The following PLAA variants were observed in gnomAD, a reference collection of about 807,000 sequenced individuals.
The protein encoded by PLAA is phospholipase A2 activating protein, also known as phospholipase A-2-activating protein.
A neutral mutation model predicts 84.1 loss-of-function variants in PLAA; 48 were observed. The observed-to-expected ratio is 0.57, with a 90% confidence interval of 0.45 to 0.73. The LOEUF (loss-of-function observed/expected upper bound fraction) is 0.73. PLAA is among the 30% of genes least tolerant of loss of function. PLAA has a pLI of 0.00. For missense variants in PLAA, 903 were observed against 954.7 expected (o/e 0.95, Z 0.71); for synonymous variants, 392 against 336.6 (o/e 1.16, Z -1.80).
In PLAA at chr9:26,932,906, G is replaced by A. The variant is rs10967608; in HGVS notation, c.343+2107C>T. Among the ~76,000 whole-genome samples the A allele has an allele frequency of 3.3e-5, 5 of 152,192 alleles. No homozygotes were observed. The East Asian group carries it at 7.7e-4, about 23-fold the overall frequency. Reference sequence around the variant, plus strand: ...ACCCAGAACTTTGGGAGACTGAGGCGGGTGGATCACCTGAGGTCAAGAGTT... The same window carrying A: ...ACCCAGAACTTTGGGAGACTGAGGCAGGTGGATCACCTGAGGTCAAGAGTT... On this transcript the variant is annotated intron_variant, in intron 2 of 13. Transcript: ENST00000397292.
Position 26,905,975 on chromosome 9 carries a change from G to A in PLAA, c.1924C>T (p.His642Tyr). Residue 642 changes from histidine to tyrosine, a missense_variant, in exon 14 of 14, where the codon CAT becomes TAT. Physicochemically the swap from His to Tyr is moderately conservative, Grantham distance 83. Coordinates refer to ENST00000397292, the MANE Select transcript of PLAA (RefSeq NM_001031689.3). ...TTAGGGTTCAGAAGATTGATAAGATGACTGCTGAACTGAGCCCCTTCCTTT... is the reference window on the plus strand; with the variant it reads ...TTAGGGTTCAGAAGATTGATAAGATAACTGCTGAACTGAGCCCCTTCCTTT... ...NEKEGAQFSSHLINLLNPKGK... is the reference protein window; with the variant it reads ...NEKEGAQFSSYLINLLNPKGK... 2 of 1,613,978 alleles carry A rather than the reference G, an allele frequency of 1.2e-6. No individual in the cohort carries two copies. The highest frequency in any genetic ancestry group is 2.7e-5 in the African/African-American group (2 of 74,996).
intron 2 of PLAA, among the ~76,000 whole-genome samples, chr9:26,930,620 T>C (rs1452483463): frequency 6.6e-6 from 1 of 151,690 alleles, no homozygotes; most frequent in Non-Finnish European, 1.5e-5. Flanking sequence ...TTTGCTCTTG[T>C]TGCCCAGGCT....
At chr9:26,934,958 CT>C in intron 2 of PLAA, 54 bp downstream of exon 2, 1 of 1,286,406 alleles carries the variant, frequency 7.8e-7, no homozygotes, top group Non-Finnish European at 1.1e-6. Flanking sequence ...GTAAATTTTA[CT>C]TTCAAAGGGA....
In PLAA at chr9:26,947,210, C is replaced by G. The variant is rs1218791182; in HGVS notation, c.-165G>C. ...GTACGGAAGGGCGGCTGGGAAGGGG[C>G]GCGCCGAGCGGGCCGAGTGACACAG... On this transcript the variant is annotated 5_prime_UTR_variant, in exon 1 of 14. Coordinates refer to ENST00000397292, the MANE Select transcript of PLAA (RefSeq NM_001031689.3). The G allele has an allele frequency of 7.8e-6, 6 of 767,872 alleles. No individual in the cohort carries two copies. The highest frequency in any genetic ancestry group is 3.5e-5 in the Admixed American group (1 of 28,708). 47.6% of individuals were successfully genotyped at this position (767,872 alleles called of 1,614,324 possible).
chr9:26,931,400 AGCT>A (rs1222815656), intron 2 of PLAA, among the ~76,000 whole-genome samples: 1 of 152,212 alleles, frequency 6.6e-6, no homozygotes, highest in Non-Finnish European at 1.5e-5. Context: ...GATTATCAGT[AGCT>A]GCTAAAAATT....
At chr9:26,927,243 C>T (rs12002242) in intron 4 of PLAA, among the ~76,000 whole-genome samples, 11,055 of 150,986 alleles carry the variant, frequency 0.073, 572 homozygotes, top group African/African-American at 0.15. Flanking sequence ...GCCTCAGCCT[C>T]CCGAATAGCT....
chr9:26,905,433 A>T lies in PLAA; in HGVS notation c.*78T>A. ...TAATCCACCGTATTCTCTTTTTTTA[A>T]TTATCTGTTATCAGTCATGTCAAAT... On this transcript the variant is annotated 3_prime_UTR_variant, in exon 14 of 14. Coordinates refer to ENST00000397292, the MANE Select transcript of PLAA (RefSeq NM_001031689.3). 2 of 1,071,646 alleles carry T rather than the reference A, an allele frequency of 1.9e-6. No homozygotes were observed. Among genetic ancestry groups the T allele is most frequent in the Admixed American group, 4.7e-5 (2 of 42,860 alleles). The allele number at this position is 1,071,646 out of a possible 1,614,324, so 66.4% of individuals were successfully genotyped here. A position where few individuals can be genotyped will look rare whatever the true frequency, so the allele number is the denominator to read the frequency against.
At chr9:26,925,745 T>C in intron 6 of PLAA, 80 bp downstream of exon 6, 1 of 1,279,294 alleles carries the variant, frequency 7.8e-7, no homozygotes, top group Admixed American at 2.1e-5. Flanking sequence ...TGAAATTCCT[T>C]ATGGCTTATC....
At chr9:26,916,755 C>G in intron 10 of PLAA, 2 of 871,162 alleles carry the variant, frequency 2.3e-6, no homozygotes, top group Non-Finnish European at 2.8e-6. Context: ...GGTAACTTGC[C>G]AACTTCTCAT....
intron 3 of PLAA, 31 bp downstream of exon 3, chr9:26,928,277 T>G (rs752190040): frequency 8.7e-6 from 14 of 1,613,886 alleles, no homozygotes; most frequent in Admixed American, 5.0e-5. Flanking sequence ...ACTTAATTAT[T>G]CTTTAGAATA....
intron 11 of PLAA, among the ~76,000 whole-genome samples, chr9:26,911,361 C>CTCG (rs1824392080): frequency 6.6e-6 from 1 of 152,192 alleles, no homozygotes; most frequent in Admixed American, 6.5e-5. Context: ...CCACATTGGC[C>CTCG]AGGCTGGTCT....
At chr9:26,939,325 T>C (rs767373740) in intron 1 of PLAA, among the ~76,000 whole-genome samples, 6 of 151,802 alleles carry the variant, frequency 4.0e-5, no homozygotes, top group Non-Finnish European at 7.4e-5. Context: ...GAGGTGGAGC[T>C]TGCAGTGAGC....
At chr9:26,925,673 T>C (rs936326158) in intron 6 of PLAA, 152 bp downstream of exon 6, 1 of 617,848 alleles carries the variant, frequency 1.6e-6, no homozygotes, top group Non-Finnish European at 2.9e-6. Context: ...GTATGAAAGC[T>C]ATAATATCTA....
chr9:26,925,143 A>G (rs375495739), intron 6 of PLAA, among the ~76,000 whole-genome samples: 21 of 152,300 alleles, frequency 1.4e-4, no homozygotes, highest in African/African-American at 4.6e-4. Flanking sequence ...CCAATGTCTT[A>G]TAACTTCACA....
intron 1 of PLAA, among the ~76,000 whole-genome samples, chr9:26,938,111 TAAGA>T (rs1825417124): frequency 6.6e-6 from 1 of 152,082 alleles, no homozygotes; most frequent in Admixed American, 6.5e-5. Flanking sequence ...TATTCAAACT[TAAGA>T]AAGGGAGATA....
intron 6 of PLAA, 76 bp downstream of exon 6, chr9:26,925,749 G>A: frequency 7.6e-7 from 1 of 1,315,764 alleles, no homozygotes; most frequent in Admixed American, 2.0e-5. Context: ...ATTCCTTATG[G>A]CTTATCTCTG....
At chr9:26,933,137 G>A (rs897320877) in intron 2 of PLAA, among the ~76,000 whole-genome samples, 8 of 151,996 alleles carry the variant, frequency 5.3e-5, no homozygotes, top group East Asian at 1.9e-4. Flanking sequence ...GTGTGGTGGC[G>A]CGCGCCTGTA....
chr9:26,909,164 G>A lies in PLAA; in HGVS notation c.1658-1166C>T, dbSNP rs1008773903. Among the ~76,000 whole-genome samples, 9 of 151,970 alleles carry A rather than the reference G, an allele frequency of 5.9e-5. No homozygotes were observed. The East Asian group carries it at 1.5e-3, about 26-fold the overall frequency. On this transcript the variant is annotated intron_variant, in intron 12 of 13. Transcript: ENST00000397292. ...TCAAGAATAAAAAAGTCCAAATTCCGATAATAAGGAAAATTATCCAAATTT... is the reference window on the plus strand; with the variant it reads ...TCAAGAATAAAAAAGTCCAAATTCCAATAATAAGGAAAATTATCCAAATTT...
At chr9:26,909,765 A>C (rs1035615930) in intron 12 of PLAA, among the ~76,000 whole-genome samples, 4 of 151,984 alleles carry the variant, frequency 2.6e-5, no homozygotes, top group Admixed American at 2.0e-4. Flanking sequence ...CTGGGATTAC[A>C]GGCGCCCACC....
Sources: gnomAD v4.1 joint callset for allele counts (sites outside exome capture counted in the v4.1 genomes callset) on GRCh38, gnomAD v4.1.1 for gene constraint, MANE v1.5 for transcripts, NCBI Gene and HGNC (gene_info 2026-07-23, HGNC 2026-07-21) for gene names.